Variants in ADAM15 observed in about 807,000 individuals in gnomAD.
The protein encoded by ADAM15 is ADAM metallopeptidase domain 15.
Under a neutral mutation model 113.8 loss-of-function variants are expected in ADAM15, and 77 were observed. That is an observed-to-expected ratio of 0.68 (90% CI 0.56 to 0.82). The LOEUF (loss-of-function observed/expected upper bound fraction) is 0.82. Among genes scored for constraint, ADAM15 ranks in the 40% least tolerant of loss-of-function variants. The pLI, the probability that ADAM15 is intolerant of heterozygous loss-of-function variation, is 0.00. For missense variants in ADAM15, 963 were observed against 1,120.1 expected (o/e 0.86, Z 2.00); for synonymous variants, 388 against 454.1 (o/e 0.85, Z 1.85).
Position 155,051,386 on chromosome 1 carries a change from C to T in ADAM15, c.-1C>T, listed in dbSNP as rs1017678939. 6 of 1,515,574 alleles carry T rather than the reference C, an allele frequency of 4.0e-6. No homozygotes were observed. Among genetic ancestry groups the T allele is most frequent in the East Asian group, 2.8e-5 (1 of 35,952 alleles). 93.9% of individuals were successfully genotyped at this position (1,515,574 alleles called of 1,614,324 possible). On this transcript the variant is annotated 5_prime_UTR_variant, in exon 1 of 23. Coordinates refer to ENST00000356955, the MANE Select transcript of ADAM15 (RefSeq NM_207197.3). The stretch of plus-strand genomic sequence containing the variant: ...CTCGCCCGGCCCGGAGCGCCGCTGC[C>T]ATGCGGCTGGCGCTGCTCTGGGCCC...
chr1:155,057,249 G>C lies in ADAM15; in HGVS notation c.1210G>C (p.Asp404His). Residue 404 changes from aspartate to histidine, a missense_variant, in exon 12 of 23, where the codon GAT (aspartate) becomes CAT (histidine). Asp to His is a moderately conservative substitution (Grantham distance 81). Coordinates refer to ENST00000356955, the MANE Select transcript of ADAM15 (RefSeq NM_207197.3). The surrounding 1 kb of genome is among the most constrained non-coding windows in gnomAD (Gnocchi z 5.0). ...SRRALEKALL[D>H]GMGSCLFERL... ...ACGGGCCCTGGAGAAAGCCCTCCTG[G>C]ATGGAATGGGCAGCTGCCTCTTCGA... is the stretch of plus-strand genomic sequence containing the variant. The C allele has an allele frequency of 6.2e-7, 1 of 1,614,176 alleles. No homozygotes were observed. Among genetic ancestry groups the C allele is most frequent in the Non-Finnish European group, 8.5e-7 (1 of 1,180,026 alleles).
chr1:155,059,510 T>C (rs1662262943), intron 16 of ADAM15, among the ~76,000 whole-genome samples: 1 of 152,152 alleles, frequency 6.6e-6, no homozygotes, highest in Non-Finnish European at 1.5e-5. Flanking sequence ...ACACCTATGC[T>C]CCCAGCTACT....
chr1:155,060,318 C>T lies in ADAM15; in HGVS notation c.2182C>T (p.Leu728Phe), dbSNP rs1267320956. The T allele has an allele frequency of 4.3e-6, 7 of 1,614,026 alleles. No homozygotes were observed. Among genetic ancestry groups the T allele is most frequent in the Non-Finnish European group, 5.9e-6 (7 of 1,180,014 alleles). Residue 728 changes from leucine (L) to phenylalanine (F), a missense_variant, in exon 18 of 23, where the codon CTC (leucine) becomes TTC (phenylalanine). Physicochemically the swap from Leu to Phe is conservative, Grantham distance 22. Coordinates refer to ENST00000356955, the MANE Select transcript of ADAM15 (RefSeq NM_207197.3). ...CCGCCTGCACCAGCGACTCTGCCAGCTCAAGGGACCCACCTGCCAGTACAG... is the reference window on the plus strand; with the variant it reads ...CCGCCTGCACCAGCGACTCTGCCAGTTCAAGGGACCCACCTGCCAGTACAG... ...RARLHQRLCQ[L>F]KGPTCQYRAA...
rs148719743 is a variant in ADAM15, at chr1:155,058,062, C to T, written c.1628C>T (p.Ala543Val). ...SLWGPGAQPA[A>V]PLCLQTANTR... is the part of the protein sequence containing the mutation. ...TGGGGACCTGGAGCCCAGCCCGCTG[C>T]GCCACTTTGCCTCCAGACAGCTAAT... The change falls in exon 14 of 23, where the codon GCG (alanine) becomes GTG (valine). Residue 543 changes from alanine (A) to valine (V), a missense_variant. Coordinates refer to ENST00000356955, the MANE Select transcript of ADAM15 (RefSeq NM_207197.3). This position sits in a 1 kb window ranked among gnomAD's most constrained non-coding sequence, Gnocchi z 4.3. The T allele has an allele frequency of 5.3e-5, 85 of 1,614,116 alleles. No individual in the cohort carries two copies. The African/African-American group carries it at 6.8e-4, about 13-fold the overall frequency.
At chr1:155,060,701 A>G (rs1318194094) in intron 18 of ADAM15, 62 bp from the exon 19 acceptor site, 6 of 1,545,824 alleles carry the variant, frequency 3.9e-6, no homozygotes, top group African/African-American at 2.7e-5. Flanking sequence ...CAGGGATGGC[A>G]TATGGTAGAA....
At position 155,058,916 on chromosome 1, in the gene ADAM15, G is replaced by T; in HGVS notation, c.1995+129G>T. The stretch of plus-strand genomic sequence containing the variant: ...ACTACTTCCCAGTTGTGTGACCTCG[G>T]GCAGGTTACTAACTTTGCTGAGCTC... On this transcript the variant is annotated intron_variant, in intron 16 of 22. Transcript: ENST00000356955. The surrounding 1 kb of genome is among the most constrained non-coding windows in gnomAD (Gnocchi z 4.3). The T allele has an allele frequency of 7.9e-6, 10 of 1,262,952 alleles. No homozygotes were observed. The highest frequency in any genetic ancestry group is 1.5e-5 in the African/African-American group (1 of 66,036). The allele number at this position is 1,262,952 out of a possible 1,614,324, so 78.2% of individuals were successfully genotyped here. A position where few individuals can be genotyped will look rare whatever the true frequency, so the allele number is the denominator to read the frequency against.
Position 155,057,489 on chromosome 1 carries a change from G to C in ADAM15, c.1323+127G>C. 3.3e-6 allele frequency: 5 copies of C among 1,492,728 alleles called. No homozygotes were observed. The highest frequency in any genetic ancestry group is 4.6e-6 in the Non-Finnish European group (5 of 1,090,326). 92.5% of individuals were successfully genotyped at this position (1,492,728 alleles called of 1,614,324 possible). A position where few individuals can be genotyped will look rare whatever the true frequency, so the allele number is the denominator to read the frequency against. On this transcript the variant is annotated intron_variant, in intron 12 of 22. Coordinates refer to ENST00000356955, the MANE Select transcript of ADAM15 (RefSeq NM_207197.3). This position sits in a 1 kb window ranked among gnomAD's most constrained non-coding sequence, Gnocchi z 5.0. ...TTTCCACCCCTCTCCTACTTGCCCT[G>C]TCTGTGGGGACAGCACATGGGTTGT...
At position 155,056,413 on chromosome 1, in the gene ADAM15, G is replaced by T; in HGVS notation, c.942G>T (p.Val314=). The T allele has an allele frequency of 1.2e-6, 2 of 1,614,138 alleles. 1 individual carries two copies. Among genetic ancestry groups the T allele is most frequent in the South Asian group, 2.2e-5 (2 of 91,074 alleles). The change falls in exon 10 of 23, where the codon GTG becomes GTT. Residue 314 remains valine, a synonymous_variant. Transcript: ENST00000356955. The surrounding 1 kb of genome is among the most constrained non-coding windows in gnomAD (Gnocchi z 4.0). ...VTGTSFSGPT[V]GMAIQNSICS... ...GTACTTCATTCTCTGGGCCTACGGT[G>T]GGCATGGCCATTCAGAACTCCATCT...
chr1:155,060,633 G>A (rs966074924), intron 18 of ADAM15, 130 bp from the exon 19 acceptor site: 1 of 1,064,540 alleles, frequency 9.4e-7, no homozygotes, highest in Non-Finnish European at 1.4e-6. Flanking sequence ...CCCCACCCCG[G>A]CCCTACCACA....
chr1:155,062,189 G>C lies in ADAM15; in HGVS notation c.2425-56G>C. On this transcript the variant is annotated intron_variant, in intron 21 of 22. Coordinates refer to ENST00000356955, the MANE Select transcript of ADAM15 (RefSeq NM_207197.3). This position sits in a 1 kb window ranked among gnomAD's most constrained non-coding sequence, Gnocchi z 7.0. ...TGTTCCCCAGCACCAGTGCGTTGGG[G>C]GTGGGCAACATGACACCCCCCCACC... is the stretch of plus-strand genomic sequence containing the variant. 6.9e-7 allele frequency: 1 copy of C among 1,446,514 alleles called. No individual in the cohort carries two copies. Among genetic ancestry groups the C allele is most frequent in the Non-Finnish European group, 9.1e-7 (1 of 1,096,956 alleles). The allele number at this position is 1,446,514 out of a possible 1,614,324, so 89.6% of individuals were successfully genotyped here. A position where few individuals can be genotyped will look rare whatever the true frequency, so the allele number is the denominator to read the frequency against.
rs772730744 is a variant in ADAM15, at chr1:155,053,891, C to A, written c.264-19C>A. 1 of 1,613,212 alleles carries A rather than the reference C, an allele frequency of 6.2e-7. No homozygotes were observed. Among genetic ancestry groups the A allele is most frequent in the South Asian group, 1.1e-5 (1 of 91,028 alleles). On this transcript the variant is annotated intron_variant, in intron 3 of 22. Transcript: ENST00000356955. ...TGGGAAGTGGCTTTAGCACTGCCTT[C>A]TTTTTCTTCACTCCACAGGGAGTTG...
At position 155,052,710 on chromosome 1, in the gene ADAM15, C is replaced by T. The variant is rs201046872; in HGVS notation, c.119C>T (p.Pro40Leu). 83 of 1,611,870 alleles carry T rather than the reference C, an allele frequency of 5.1e-5. No homozygotes were observed. In the East Asian group the frequency reaches 1.6e-3, roughly 32 times the overall value. ...CAGCAGGCAGAGTCAGAGAAGGCCC[C>T]GAGGGAGCCCTTGGAGCCCCAGGTC... ...EEQQAESEKA[P>L]REPLEPQVLQ... Residue 40 changes from proline to leucine, a missense_variant, in exon 2 of 23, where the codon CCG (proline) becomes CTG (leucine). Physicochemically the swap from Pro to Leu is moderately conservative, Grantham distance 98. Transcript: ENST00000356955.
rs949027518 is a variant in ADAM15 at position 155,056,050 on chromosome 1, C to A, written c.745-30C>A. On this transcript the variant is annotated intron_variant, in intron 8 of 22. Coordinates refer to ENST00000356955, the MANE Select transcript of ADAM15 (RefSeq NM_207197.3). This position sits in a 1 kb window ranked among gnomAD's most constrained non-coding sequence, Gnocchi z 4.0. ...CACCCCAGGCCCCTGACCATGGCAA[C>A]CCCTCTTCTGAGCCCCAGCTGTCTT... 4 of 1,612,072 alleles carry A rather than the reference C, an allele frequency of 2.5e-6. No homozygotes were observed. Among genetic ancestry groups the A allele is most frequent in the African/African-American group, 1.3e-5 (1 of 74,888 alleles).
In ADAM15 at chr1:155,062,039, C is replaced by A; in HGVS notation, c.2424+64C>A. ...CACCTAGGGCTGTGGTGCTGGTAGC[C>A]ATGACGGTGGTGGCCGTGGCGAGAT... is the stretch of plus-strand genomic sequence containing the variant. On this transcript the variant is annotated intron_variant, in intron 21 of 22. Coordinates refer to ENST00000356955, the MANE Select transcript of ADAM15 (RefSeq NM_207197.3). This position sits in a 1 kb window ranked among gnomAD's most constrained non-coding sequence, Gnocchi z 7.0. 1 of 1,487,408 alleles carries A rather than the reference C, an allele frequency of 6.7e-7. No homozygotes were observed. The highest frequency in any genetic ancestry group is 1.4e-5 in the South Asian group (1 of 71,384). 92.1% of individuals were successfully genotyped at this position (1,487,408 alleles called of 1,614,324 possible).
chr1:155,059,666 A>G (rs1009541453), intron 16 of ADAM15, among the ~76,000 whole-genome samples: 6 of 152,144 alleles, frequency 3.9e-5, no homozygotes, highest in Admixed American at 3.3e-4. Context: ...AAACAAAACA[A>G]AACAAACACA....
Position 155,051,482 on chromosome 1 carries a change from G to T in ADAM15, c.79+17G>T. On this transcript the variant is annotated intron_variant, in intron 1 of 22. Transcript: ENST00000356955. ...CAAATATAGGTGAGTCCTCCGCCTGGAGTGGGTCGGGGGGCGGACTGGGAG... is the reference window on the plus strand; with the variant it reads ...CAAATATAGGTGAGTCCTCCGCCTGTAGTGGGTCGGGGGGCGGACTGGGAG... 1 of 1,544,164 alleles carries T rather than the reference G, an allele frequency of 6.5e-7. No homozygotes were observed. Among genetic ancestry groups the T allele is most frequent in the East Asian group, 2.6e-5 (1 of 38,862 alleles).
chr1:155,053,861 C>T (rs189313893), intron 3 of ADAM15, 49 bp from the exon 4 acceptor site: 311 of 1,595,240 alleles, frequency 1.9e-4, no homozygotes, highest in Non-Finnish European at 2.4e-4. Flanking sequence ...TGTCAATGCA[C>T]GACCTGGGAA....
At chr1:155,053,242 A>G (rs1661333450) in intron 2 of ADAM15, among the ~76,000 whole-genome samples, 175 bp from the exon 3 acceptor site, 1 of 151,584 alleles carries the variant, frequency 6.6e-6, no homozygotes, top group Non-Finnish European at 1.5e-5. Flanking sequence ...ACCTCCGCAC[A>G]CAACCCCCCA....
intron 2 of ADAM15, among the ~76,000 whole-genome samples, chr1:155,053,107 A>ACCCCCCCCCCC (rs5777934): frequency 8.8e-5 from 9 of 102,294 alleles, no homozygotes; most frequent in African/African-American, 1.1e-4. Flanking sequence ...ACCTTACCAA[A>ACCCCCCCCCCC]CCCCCCCCCC....
Sources: gnomAD v4.1 joint callset for allele counts (sites outside exome capture counted in the v4.1 genomes callset) on GRCh38, gnomAD v4.1.1 for gene constraint, Gnocchi (gnomAD v3.1) non-coding constraint, MANE v1.5 for transcripts, NCBI Gene and HGNC (gene_info 2026-07-23, HGNC 2026-07-21) for gene names.